The following GHR variants were observed in gnomAD, a reference collection of about 807,000 sequenced individuals.
GHR encodes GH receptor.
In GHR, 35 loss-of-function variants were observed where a neutral mutation model predicts 67.1. The ratio of observed to expected loss-of-function variants is 0.52; its 90% confidence interval spans 0.40 to 0.69. The LOEUF (loss-of-function observed/expected upper bound fraction) is 0.69, where lower values mean the gene tolerates loss of function less well. Ranked by LOEUF, GHR falls within the 30% of genes least tolerant of loss-of-function variation. The pLI is 0.00. For missense variants in GHR, 792 were observed against 764.6 expected (o/e 1.04, Z -0.42); for synonymous variants, 272 against 269.1 (o/e 1.01, Z -0.10).
chr5:42,564,945 A>T (rs1749840904), intron 1 of GHR, among the ~76,000 whole-genome samples: 2 of 152,248 alleles, frequency 1.3e-5, no homozygotes, highest in Admixed American at 1.3e-4. Context: ...TACAAAAGGC[A>T]ATACGCTGAG....
intron 4 of GHR, among the ~76,000 whole-genome samples, chr5:42,693,843 C>G (rs1258377884): frequency 6.6e-6 from 1 of 152,154 alleles, no homozygotes; most frequent in Non-Finnish European, 1.5e-5. Flanking sequence ...GTTTTATGTC[C>G]CTTTGACTTA....
At chr5:42,528,747 C>T (rs941699693) in intron 1 of GHR, among the ~76,000 whole-genome samples, 1 of 152,138 alleles carries the variant, frequency 6.6e-6, no homozygotes, top group Non-Finnish European at 1.5e-5. Flanking sequence ...AAGAATCAAT[C>T]AGTGTGTCAA....
chr5:42,440,653 T>C (rs1743525581), intron 1 of GHR, among the ~76,000 whole-genome samples: 1 of 152,182 alleles, frequency 6.6e-6, no homozygotes, highest in African/African-American at 2.4e-5. Context: ...ACCTGCTCTA[T>C]TATGAAGCAT....
intron 1 of GHR, among the ~76,000 whole-genome samples, chr5:42,556,938 C>G (rs1749343264): frequency 6.6e-6 from 1 of 152,206 alleles, no homozygotes; most frequent in South Asian, 2.1e-4. Context: ...GACAGAGACT[C>G]AGGTTCTTGT....
chr5:42,675,079 C>T (rs1346002652), intron 3 of GHR, among the ~76,000 whole-genome samples: 2 of 152,128 alleles, frequency 1.3e-5, no homozygotes, highest in Non-Finnish European at 2.9e-5. Flanking sequence ...AGAAAATAAA[C>T]TTGACTGAAT....
chr5:42,495,608 T>G (rs1439887361), intron 1 of GHR, among the ~76,000 whole-genome samples: 2 of 152,128 alleles, frequency 1.3e-5, no homozygotes, highest in Non-Finnish European at 2.9e-5. Context: ...AAAAATGCAC[T>G]GGTGTCAGAA....
Position 42,626,851 on chromosome 5 carries a change from C to T in GHR, c.71-2187C>T, listed in dbSNP as rs184653690. Among the ~76,000 whole-genome samples, 229 of 152,256 alleles carry T rather than the reference C, an allele frequency of 1.5e-3. 1 individual carries two copies. Among genetic ancestry groups the T allele is most frequent in the Non-Finnish European group, 2.7e-3 (181 of 68,020 alleles). ...TGTGGGCCTGAGCCATGCTGACCCTCTAAGAATAACTTAGAGGTAACGTGA... is the reference window on the plus strand; with the variant it reads ...TGTGGGCCTGAGCCATGCTGACCCTTTAAGAATAACTTAGAGGTAACGTGA... On this transcript the variant is annotated intron_variant, in intron 2 of 9. Coordinates refer to ENST00000230882, the MANE Select transcript of GHR (RefSeq NM_000163.5).
chr5:42,710,416 T>C (rs1358867643), intron 6 of GHR, among the ~76,000 whole-genome samples: 2 of 152,122 alleles, frequency 1.3e-5, no homozygotes, highest in African/African-American at 4.8e-5. Flanking sequence ...CTTTGAGTAT[T>C]TGACTTGGAG....
At chr5:42,614,237 G>A (rs1042010464) in intron 2 of GHR, among the ~76,000 whole-genome samples, 3 of 152,086 alleles carry the variant, frequency 2.0e-5, no homozygotes, top group African/African-American at 7.2e-5. Context: ...TCATCCAAAT[G>A]TTAGAGAACA....
At chr5:42,595,005 AG>A in intron 2 of GHR, among the ~76,000 whole-genome samples, 2 of 152,188 alleles carry the variant, frequency 1.3e-5, no homozygotes, top group Non-Finnish European at 2.9e-5. Context: ...TTCATGACAC[AG>A]TCCCTAACAT....
rs1452845926 is a variant in GHR at position 42,583,898 on chromosome 5, A to AT, written c.70+17954_70+17955insT. 6.7e-4 allele frequency among the ~76,000 whole-genome samples: 98 copies of AT among 145,738 alleles called. 1 individual carries two copies. Among genetic ancestry groups the AT allele is most frequent in the African/African-American group, 2.2e-3 (87 of 39,828 alleles). On this transcript the variant is annotated intron_variant, in intron 2 of 9. Coordinates refer to ENST00000230882, the MANE Select transcript of GHR (RefSeq NM_000163.5). ...ATAAAGATATATATATATATATATA[A>AT]ATTCTTACAGTTTAGAAGCTTCCAG...
chr5:42,612,673 G>C (rs957455175), intron 2 of GHR, among the ~76,000 whole-genome samples: 22 of 152,084 alleles, frequency 1.4e-4, no homozygotes, highest in African/African-American at 5.3e-4. Context: ...CAAAGAGAAA[G>C]GGCATGATGT....
Position 42,494,963 on chromosome 5 carries a change from A to C in GHR, c.-11-70901A>C, listed in dbSNP as rs146070253. Among the ~76,000 whole-genome samples, 602 of 152,096 alleles carry C rather than the reference A, an allele frequency of 4.0e-3. 4 individuals carry two copies. The highest frequency in any genetic ancestry group is 0.014 in the African/African-American group (584 of 41,504). On this transcript the variant is annotated intron_variant, in intron 1 of 9. Coordinates refer to ENST00000230882, the MANE Select transcript of GHR (RefSeq NM_000163.5). ...CCTTAGAAGGGTGATGGAAGCTCCC[A>C]TATCTTGGTATTTCTCTTTCTGAGT...
chr5:42,453,531 C>A (rs1744137158), intron 1 of GHR, among the ~76,000 whole-genome samples: 1 of 152,152 alleles, frequency 6.6e-6, no homozygotes, highest in South Asian at 2.1e-4. Flanking sequence ...AGCTCCCCTG[C>A]CAAGTCAGAA....
chr5:42,597,687 A>C lies in GHR; in HGVS notation c.71-31351A>C, dbSNP rs77579919. ...GTATCTACGATTGACAATCGGCTTC[A>C]TTTGTAAGTACCAGATAGTGCAACT... On this transcript the variant is annotated intron_variant, in intron 2 of 9. Coordinates refer to ENST00000230882, the MANE Select transcript of GHR (RefSeq NM_000163.5). Among the ~76,000 whole-genome samples, 26 of 152,306 alleles carry C rather than the reference A, an allele frequency of 1.7e-4. No individual in the cohort carries two copies. In the East Asian group the frequency reaches 3.9e-3, roughly 23 times the overall value.
intron 1 of GHR, among the ~76,000 whole-genome samples, chr5:42,537,024 T>C (rs1329083433): frequency 6.6e-6 from 1 of 152,144 alleles, no homozygotes; most frequent in African/African-American, 2.4e-5. Flanking sequence ...ATTTTGTTTC[T>C]TAATGAGGTT....
intron 1 of GHR, among the ~76,000 whole-genome samples, chr5:42,445,191 A>G (rs979680968): frequency 2.0e-5 from 3 of 152,232 alleles, no homozygotes; most frequent in Admixed American, 6.5e-5. Flanking sequence ...GTGGACATTC[A>G]GTAATTAGTA....
intron 3 of GHR, among the ~76,000 whole-genome samples, chr5:42,683,992 G>A (rs1256862378): frequency 6.6e-6 from 1 of 151,624 alleles, no homozygotes; most frequent in African/African-American, 2.4e-5. Context: ...AGCTGACAAA[G>A]TTTTTTATTT....
At chr5:42,622,255 A>G (rs576789113) in intron 2 of GHR, among the ~76,000 whole-genome samples, 5 of 152,290 alleles carry the variant, frequency 3.3e-5, no homozygotes, top group Admixed American at 1.3e-4. Flanking sequence ...GGCTTCATCA[A>G]TATAACTTTG....
Sources: allele counts gnomAD v4.1 joint callset (sites outside exome capture counted in the v4.1 genomes callset), GRCh38; gene constraint gnomAD v4.1.1; transcripts MANE v1.5; gene names NCBI Gene and HGNC (gene_info 2026-07-23, HGNC 2026-07-21).